ROR1: variants seen among roughly 807,000 people sequenced by gnomAD.
The protein encoded by ROR1 is ROR family WNT receptor 1.
A neutral mutation model predicts 78.8 loss-of-function variants in ROR1; 19 were observed. The observed-to-expected ratio is 0.24, with a 90% CI of 0.17 to 0.35. The LOEUF (loss-of-function observed/expected upper bound fraction) is 0.35, where lower values mean the gene tolerates loss of function less well. Among genes scored for constraint, ROR1 ranks in the 10% least tolerant of loss-of-function variants. The pLI, the probability that ROR1 is intolerant of heterozygous loss-of-function variation, is 1.00. For missense variants in ROR1, 917 were observed against 1,177.8 expected, an observed-to-expected ratio of 0.78 and a Z score of 3.24; for synonymous variants, 386 against 433.6, an observed-to-expected ratio of 0.89 and a Z score of 1.36.
At chr1:63,838,098 G>T (rs1014490223) in intron 1 of ROR1, among the ~76,000 whole-genome samples, 6 of 152,050 alleles carry the variant, frequency 3.9e-5, no homozygotes, top group African/African-American at 1.4e-4. Context: ...GGCACCTCCA[G>T]TTATATGCAG....
chr1:63,850,567 G>GAT (rs5774668), intron 1 of ROR1, among the ~76,000 whole-genome samples: 67,638 of 152,056 alleles, frequency 0.44, 19,149 homozygotes, highest in African/African-American at 0.81. Flanking sequence ...ACAGGTATGA[G>GAT]AAACTATCAC....
intron 1 of ROR1, among the ~76,000 whole-genome samples, chr1:63,944,522 T>G (rs1645868948): frequency 6.6e-6 from 1 of 152,238 alleles, no homozygotes; most frequent in Admixed American, 6.5e-5. Flanking sequence ...AATAGCTCTC[T>G]TAGCCTATGT....
intron 1 of ROR1, among the ~76,000 whole-genome samples, chr1:63,852,435 A>G (rs1444425213): frequency 1.3e-5 from 2 of 152,232 alleles, no homozygotes; most frequent in African/African-American, 4.8e-5. Flanking sequence ...CTGATCTTCA[A>G]AGAGGGCTAT....
intron 7 of ROR1, among the ~76,000 whole-genome samples, chr1:64,154,380 A>C (rs1211425878): frequency 6.6e-6 from 1 of 152,146 alleles, no homozygotes; most frequent in African/African-American, 2.4e-5. Context: ...ATGGTTTTTA[A>C]ATTTTTTTCA....
rs757773337 is a variant in ROR1 at position 64,177,575 on chromosome 1, A to G, written c.1534A>G (p.Asn512Asp). 1.3e-5 allele frequency: 21 copies of G among 1,614,026 alleles called. No homozygotes were observed. The highest frequency in any genetic ancestry group is 8.0e-5 in the African/African-American group (6 of 74,912). Residue 512 changes from asparagine (N) to aspartate (D), a missense_variant, in exon 9 of 9, where the codon AAC becomes GAC. By Grantham distance (23) the Asn-to-Asp change is conservative (BLOSUM62 1). Coordinates refer to ENST00000371079, the MANE Select transcript of ROR1 (RefSeq NM_005012.4). ...TGCTATCAAGACCTTGAAAGACTAT[A>G]ACAACCCCCAGCAATGGACGGAATT... ...LVAIKTLKDY[N>D]NPQQWTEFQQ...
At position 64,058,127 on chromosome 1, in the gene ROR1, T is replaced by A. The variant is rs147446239; in HGVS notation, c.482+7411T>A. Among the ~76,000 whole-genome samples the A allele has an allele frequency of 1.2e-3, 178 of 152,330 alleles. 1 individual carries two copies. The highest frequency in any genetic ancestry group is 4.0e-3 in the African/African-American group (166 of 41,580). ...GAATTTTTTCTTAATATCATCTCAG[T>A]TTATTCATTGCTACTACATAGAGAT... On this transcript the variant is annotated intron_variant, in intron 4 of 8. Coordinates refer to ENST00000371079, the MANE Select transcript of ROR1 (RefSeq NM_005012.4).
chr1:63,983,075 A>G (rs1646223197), intron 1 of ROR1, among the ~76,000 whole-genome samples: 1 of 152,228 alleles, frequency 6.6e-6, no homozygotes. Context: ...ACATAAGAAT[A>G]AAATGGTAAA....
At position 63,864,518 on chromosome 1, in the gene ROR1, C is replaced by T. The variant is rs368678053; in HGVS notation, c.91+90010C>T. On this transcript the variant is annotated intron_variant, in intron 1 of 8. Coordinates refer to ENST00000371079, the MANE Select transcript of ROR1 (RefSeq NM_005012.4). ...GTCCATGTGTGTTGTGTTGGTATGA[C>T]GGGGGGTAGGCGGTTTGGTGGTTTT... Among the ~76,000 whole-genome samples the T allele has an allele frequency of 7.9e-5, 12 of 152,202 alleles. No individual in the cohort carries two copies. In the East Asian group the frequency reaches 2.1e-3, roughly 27 times the overall value.
At chr1:64,145,504 T>A (rs1414883539) in intron 7 of ROR1, among the ~76,000 whole-genome samples, 1 of 152,226 alleles carries the variant, frequency 6.6e-6, no homozygotes, top group African/African-American at 2.4e-5. Flanking sequence ...ACCCCCTTTG[T>A]GTTGCCGGGT....
intron 1 of ROR1, among the ~76,000 whole-genome samples, chr1:63,824,606 C>T (rs1018060834): frequency 5.9e-5 from 9 of 152,188 alleles, no homozygotes; most frequent in Admixed American, 5.9e-4. Flanking sequence ...CTACAAACAA[C>T]CCCACAATGG....
intron 2 of ROR1, among the ~76,000 whole-genome samples, chr1:64,047,266 AAACAATAGT>A (rs1303506739): frequency 6.6e-6 from 1 of 152,258 alleles, no homozygotes; most frequent in Non-Finnish European, 1.5e-5. Context: ...ATTGTTATAA[AAACAATAGT>A]AACAACATTA....
chr1:64,140,100 GT>G lies in ROR1; in HGVS notation c.611-5del, dbSNP rs926284106. 6.2e-7 allele frequency: 1 copy of G among 1,608,972 alleles called. No homozygotes were observed. Among genetic ancestry groups the G allele is most frequent in the Non-Finnish European group, 8.5e-7 (1 of 1,175,980 alleles). On this transcript the variant is annotated splice_region_variant and splice_polypyrimidine_tract_variant and intron_variant, in intron 5 of 8. Coordinates refer to ENST00000371079, the MANE Select transcript of ROR1 (RefSeq NM_005012.4). Reference sequence around the variant, plus strand: ...CCTCTGGGAGTTAATAATTGTGTTTGTTTTCCAGCTGCCTTCACTATGATTG... The same window carrying G: ...CCTCTGGGAGTTAATAATTGTGTTTGTTTCCAGCTGCCTTCACTATGATTG...
chr1:63,953,959 G>T (rs1645961659), intron 1 of ROR1, among the ~76,000 whole-genome samples: 1 of 152,150 alleles, frequency 6.6e-6, no homozygotes. Flanking sequence ...GTTGAATCTG[G>T]GGCAGCAGCC....
chr1:64,054,360 C>A (rs1207276631), intron 4 of ROR1, among the ~76,000 whole-genome samples: 1 of 152,098 alleles, frequency 6.6e-6, no homozygotes, highest in African/African-American at 2.4e-5. Context: ...TCACTGCAAC[C>A]CCTGCCTCTG....
In ROR1 at chr1:63,829,908, G is replaced by A. The variant is rs572792376; in HGVS notation, c.91+55400G>A. Among the ~76,000 whole-genome samples, 145 of 152,118 alleles carry A rather than the reference G, an allele frequency of 9.5e-4. 4 individuals are homozygous for A. In the South Asian group the frequency reaches 0.029, roughly 31 times the overall value. ...TGAACACAAGCTCCCAGGAAGGGAG[G>A]TTGTGAAAACAGTGAAAGGGCCTTC... On this transcript the variant is annotated intron_variant, in intron 1 of 8. Coordinates refer to ENST00000371079, the MANE Select transcript of ROR1 (RefSeq NM_005012.4).
intron 1 of ROR1, among the ~76,000 whole-genome samples, chr1:63,871,879 A>C (rs1238531355): frequency 6.6e-6 from 1 of 152,168 alleles, no homozygotes; most frequent in East Asian, 1.9e-4. Context: ...ATGTGTATTA[A>C]GTCATTATAG....
chr1:63,869,490 G>C (rs1469558463), intron 1 of ROR1, among the ~76,000 whole-genome samples: 1 of 152,148 alleles, frequency 6.6e-6, no homozygotes, highest in Admixed American at 6.5e-5. Context: ...TAAGAAGGGG[G>C]CTTGTGTCCT....
chr1:63,787,020 G>A (rs1185560766), intron 1 of ROR1, among the ~76,000 whole-genome samples: 1 of 152,200 alleles, frequency 6.6e-6, no homozygotes, highest in Non-Finnish European at 1.5e-5. Context: ...TGGGAATAAT[G>A]AATTGATCCA....
chr1:64,158,936 A>C, intron 7 of ROR1, 45 bp from the exon 8 acceptor site: 1 of 1,393,878 alleles, frequency 7.2e-7, no homozygotes, highest in Non-Finnish European at 1.0e-6. Flanking sequence ...TATGCATGTT[A>C]CTTTAAAGAG....
Sources: gnomAD v4.1 joint callset for allele counts (sites outside exome capture counted in the v4.1 genomes callset) on GRCh38, gnomAD v4.1.1 for gene constraint, MANE v1.5 for transcripts, NCBI Gene and HGNC (gene_info 2026-07-23, HGNC 2026-07-21) for gene names.